The following COL5A2 variants were observed in gnomAD, a reference collection of about 807,000 sequenced individuals.
COL5A2 encodes the protein collagen alpha-2(V) chain.
A neutral mutation model predicts 208.2 loss-of-function variants in COL5A2; 23 were observed. The ratio of observed to expected loss-of-function variants is 0.11; its 90% CI spans 0.08 to 0.16. The LOEUF (loss-of-function observed/expected upper bound fraction) is 0.16. Among genes scored for constraint, COL5A2 ranks in the 10% least tolerant of loss-of-function variants. The pLI is 1.00. For missense variants in COL5A2, 1,590 were observed against 1,956.4 expected (o/e 0.81, Z 3.53); for synonymous variants, 625 against 628.5 (o/e 0.99, Z 0.08).
intron 1 of COL5A2, among the ~76,000 whole-genome samples, chr2:189,197,000 AT>A (rs572312978): frequency 4.2e-4 from 64 of 152,316 alleles, no homozygotes; most frequent in African/African-American, 1.5e-3. Context: ...ATACACACGT[AT>A]ATTTTTTTTG....
At chr2:189,436,381 G>A in the COL5A2 span, among the ~76,000 whole-genome samples, 1 of 152,094 alleles carries the variant, frequency 6.6e-6, no homozygotes, top group Non-Finnish European at 1.5e-5. Context: ...GTTGTGGGGT[G>A]GGGGGAGCGG....
chr2:189,166,388 C>T (rs954491465), intron 1 of COL5A2, among the ~76,000 whole-genome samples: 2 of 151,914 alleles, frequency 1.3e-5, no homozygotes, highest in African/African-American at 2.4e-5. Context: ...AGAGAACTAC[C>T]TATTCTGAAA....
At chr2:189,066,852 C>T (rs1308121162) in intron 21 of COL5A2, 70 bp from the exon 22 acceptor site, 5 of 1,201,680 alleles carry the variant, frequency 4.2e-6, no homozygotes, top group East Asian at 2.3e-5. Context: ...AAATTAGTTA[C>T]AATAAATAGG....
At chr2:189,283,245 A>T in the COL5A2 span, among the ~76,000 whole-genome samples, 1 of 151,940 alleles carries the variant, frequency 6.6e-6, no homozygotes, top group African/African-American at 2.4e-5. Context: ...GGGAGAAAAA[A>T]GGGAAGAAGG....
At chr2:189,208,089 A>C (rs1479670276) in intron 1 of COL5A2, among the ~76,000 whole-genome samples, 1 of 152,132 alleles carries the variant, frequency 6.6e-6, no homozygotes, top group Non-Finnish European at 1.5e-5. Flanking sequence ...TTATGCAACA[A>C]TCCTCTCAAC....
intron 1 of COL5A2, among the ~76,000 whole-genome samples, chr2:189,128,595 C>T (rs1223986955): frequency 1.3e-5 from 2 of 151,842 alleles, no homozygotes; most frequent in African/African-American, 4.8e-5. Context: ...ATACTGATTC[C>T]TAGGCCCTAC....
the COL5A2 span, among the ~76,000 whole-genome samples, chr2:189,296,042 T>C: frequency 6.6e-6 from 1 of 152,174 alleles, no homozygotes; most frequent in Non-Finnish European, 1.5e-5. Flanking sequence ...ATAGAAAACA[T>C]ACATTTTCAG....
chr2:189,365,572 G>T, the COL5A2 span, among the ~76,000 whole-genome samples: 1 of 152,184 alleles, frequency 6.6e-6, no homozygotes, highest in Admixed American at 6.5e-5. Context: ...CTGTAAAATG[G>T]AGACAATAAC....
At chr2:189,438,883 T>C in the COL5A2 span, among the ~76,000 whole-genome samples, 1 of 152,202 alleles carries the variant, frequency 6.6e-6, no homozygotes, top group Non-Finnish European at 1.5e-5. Flanking sequence ...CCAAAGCTGT[T>C]ACAATGATCT....
At chr2:189,072,739 T>C (rs1576508315) in intron 17 of COL5A2, among the ~76,000 whole-genome samples, 1 of 115,316 alleles carries the variant, frequency 8.7e-6, no homozygotes, top group Admixed American at 1.2e-4. Context: ...GCCATTGCAC[T>C]CCAACCTGCA....
the COL5A2 span, among the ~76,000 whole-genome samples, chr2:189,310,222 T>C: frequency 6.6e-6 from 1 of 151,844 alleles, no homozygotes; most frequent in Non-Finnish European, 1.5e-5. Flanking sequence ...TTCCAGAAAA[T>C]ATAAAGGTAA....
At chr2:189,438,763 T>C in the COL5A2 span, among the ~76,000 whole-genome samples, 4 of 152,208 alleles carry the variant, frequency 2.6e-5, no homozygotes, top group African/African-American at 9.6e-5. Flanking sequence ...AATTTGTGCA[T>C]CATAGATATC....
the COL5A2 span, among the ~76,000 whole-genome samples, chr2:189,238,890 CAAAG>C: frequency 6.6e-6 from 1 of 151,848 alleles, no homozygotes; most frequent in South Asian, 2.1e-4. Flanking sequence ...GGTGGGGACT[CAAAG>C]AAACCAAGTT....
chr2:189,054,573 GAA>G (rs1051424180), intron 35 of COL5A2, among the ~76,000 whole-genome samples: 1 of 151,814 alleles, frequency 6.6e-6, no homozygotes, highest in Admixed American at 6.6e-5. Context: ...ACCACAAATT[GAA>G]AAGAGGCTTT....
the COL5A2 span, among the ~76,000 whole-genome samples, chr2:189,379,853 A>G: frequency 6.6e-6 from 1 of 152,176 alleles, no homozygotes; most frequent in East Asian, 1.9e-4. Flanking sequence ...GAAGGTAAAT[A>G]AGATGAGGGT....
chr2:189,170,709 G>T (rs746210186), intron 1 of COL5A2, among the ~76,000 whole-genome samples: 16 of 151,952 alleles, frequency 1.1e-4, no homozygotes, highest in Non-Finnish European at 1.8e-4. Flanking sequence ...AACATGAGCA[G>T]TCTTGCAAGG....
chr2:189,361,597 C>A, the COL5A2 span, among the ~76,000 whole-genome samples: 5 of 151,632 alleles, frequency 3.3e-5, no homozygotes, highest in African/African-American at 1.2e-4. Context: ...AGAATTTAAT[C>A]AATTTACATT....
At chr2:189,415,796 G>A in the COL5A2 span, among the ~76,000 whole-genome samples, 1,965 of 152,168 alleles carry the variant, frequency 0.013, 53 homozygotes, top group African/African-American at 0.045. Context: ...AGTAGCTAGG[G>A]CTACAGGCGC....
At chr2:189,276,411 G>T in the COL5A2 span, among the ~76,000 whole-genome samples, 6 of 152,264 alleles carry the variant, frequency 3.9e-5, no homozygotes, top group South Asian at 2.1e-4. Context: ...AGACCCTGTT[G>T]CTCACTTACA....
Sources: allele counts gnomAD v4.1 joint callset (sites outside exome capture counted in the v4.1 genomes callset), GRCh38; gene constraint gnomAD v4.1.1; transcripts MANE v1.5; gene names NCBI Gene and HGNC (gene_info 2026-07-23, HGNC 2026-07-21).